Variants in CCDC144A observed in about 807,000 individuals in gnomAD.
CCDC144A encodes the protein coiled-coil domain containing 144A, also known as coiled-coil domain-containing protein 144A.
In CCDC144A, 41 loss-of-function variants were observed where a neutral mutation model predicts 143.8. The ratio of observed to expected loss-of-function variants is 0.29; its 90% CI spans 0.22 to 0.37. CCDC144A has a LOEUF of 0.37. Ranked by LOEUF, CCDC144A falls within the 10% of genes least tolerant of loss-of-function variation. The pLI is 1.00. For synonymous variants in CCDC144A, 242 were observed against 517.9 expected (o/e 0.47, Z 7.23); for missense variants, 637 against 1,488.8 (o/e 0.43, Z 9.41).
At chr17:16,682,882 T>TG in the CCDC144A span, among the ~76,000 whole-genome samples, 1 of 127,034 alleles carries the variant, frequency 7.9e-6, no homozygotes. Flanking sequence ...CTGGATTCTC[T>TG]GTTTTTTTTT....
chr17:16,675,096 C>T, the CCDC144A span, among the ~76,000 whole-genome samples: 1 of 151,512 alleles, frequency 6.6e-6, no homozygotes, highest in African/African-American at 2.4e-5. Flanking sequence ...TGATGAAACG[C>T]CATCTCTGCT....
Position 16,709,021 on chromosome 17 carries a change from G to A in CCDC144A, c.964G>A (p.Asp322Asn), listed in dbSNP as rs1912223277. 6.2e-7 allele frequency: 1 copy of A among 1,611,504 alleles called. No homozygotes were observed. The highest frequency in any genetic ancestry group is 1.1e-5 in the South Asian group (1 of 90,956). ...PACPEEEPLL[D>N]NSTRGTDVKD... Reference sequence around the variant, plus strand: ...TTGTCCTGAGGAAGAGCCACTACTTGATAACTCTACAAGAGGAACAGATGT... The same window carrying A: ...TTGTCCTGAGGAAGAGCCACTACTTAATAACTCTACAAGAGGAACAGATGT... Residue 322 changes from aspartate to asparagine, a missense_variant, in exon 5 of 17, where the codon GAT becomes AAT. Transcript: ENST00000399273.
chr17:16,751,769 TC>T (rs1914804365), intron 12 of CCDC144A, among the ~76,000 whole-genome samples: 1 of 152,190 alleles, frequency 6.6e-6, no homozygotes. Flanking sequence ...GGGGGGAGGA[TC>T]CCCGGGCAGG....
intron 12 of CCDC144A, among the ~76,000 whole-genome samples, chr17:16,741,515 C>T (rs1006918052): frequency 3.9e-5 from 6 of 152,238 alleles, no homozygotes; most frequent in Non-Finnish European, 8.8e-5. Context: ...TTGGAAGCCA[C>T]ATGGTTATCA....
At chr17:16,729,991 T>TATATATATATATATATATATAC (rs1491438660) in intron 9 of CCDC144A, among the ~76,000 whole-genome samples, 10 of 114,878 alleles carry the variant, frequency 8.7e-5, no homozygotes, top group East Asian at 2.4e-4. Context: ...TATATATATA[T>TATATATATATATATATATATAC]ACACACATAC....
chr17:16,721,977 C>T (rs1913117558), intron 8 of CCDC144A, among the ~76,000 whole-genome samples: 1 of 152,154 alleles, frequency 6.6e-6, no homozygotes, highest in African/African-American at 2.4e-5. Flanking sequence ...CAGTGCAATG[C>T]TGACTAAAAT....
chr17:16,694,889 T>A (rs919163909), intron 2 of CCDC144A, among the ~76,000 whole-genome samples: 36 of 152,262 alleles, frequency 2.4e-4, no homozygotes, highest in African/African-American at 8.7e-4. Context: ...GCCAAAAGAT[T>A]ATCACAATAA....
upstream of CCDC144A, among the ~76,000 whole-genome samples, chr17:16,688,888 T>C: frequency 6.6e-6 from 1 of 152,212 alleles, no homozygotes; most frequent in Non-Finnish European, 1.5e-5. Flanking sequence ...TCCCTAATTT[T>C]AGTTGGTCAG....
At chr17:16,677,975 G>T in the CCDC144A span, among the ~76,000 whole-genome samples, 1 of 151,892 alleles carries the variant, frequency 6.6e-6, no homozygotes, top group African/African-American at 2.4e-5. Context: ...GGGATGATTG[G>T]TTTGGTTTCA....
At chr17:16,772,343 T>C (rs1915854273) in intron 16 of CCDC144A, among the ~76,000 whole-genome samples, 1 of 152,154 alleles carries the variant, frequency 6.6e-6, no homozygotes, top group Admixed American at 6.5e-5. Context: ...TTCTCAGGGT[T>C]ATGGTAGTGA....
intron 2 of CCDC144A, among the ~76,000 whole-genome samples, chr17:16,699,842 G>A (rs1010265800): frequency 6.6e-6 from 1 of 151,810 alleles, no homozygotes; most frequent in African/African-American, 2.4e-5. Flanking sequence ...ATTACTTTCT[G>A]ACATCAGTTT....
At chr17:16,760,504 A>G (rs1915311498) in intron 12 of CCDC144A, among the ~76,000 whole-genome samples, 1 of 134,348 alleles carries the variant, frequency 7.4e-6, no homozygotes, top group Non-Finnish European at 1.5e-5. Context: ...GGTATGGATC[A>G]TGCCACTGAA....
intron 12 of CCDC144A, among the ~76,000 whole-genome samples, chr17:16,744,896 A>G (rs528259261): frequency 6.6e-6 from 1 of 152,306 alleles, no homozygotes; most frequent in Non-Finnish European, 1.5e-5. Context: ...AAACTCAAAA[A>G]CAGGCTGTGT....
At chr17:16,746,143 T>C in intron 12 of CCDC144A, 1 of 1,572,368 alleles carries the variant, frequency 6.4e-7, no homozygotes, top group Non-Finnish European at 8.7e-7. Context: ...CCACCTCCAG[T>C]ATCAATCTCC....
intron 12 of CCDC144A, chr17:16,746,882 T>A: frequency 1.5e-6 from 1 of 668,596 alleles, no homozygotes; most frequent in Non-Finnish European, 2.6e-6. Context: ...CTCTCCCTTC[T>A]CTCCCTCCCC....
At chr17:16,771,815 TTAAAA>T (rs1243816293) in intron 15 of CCDC144A, among the ~76,000 whole-genome samples, 157 bp from the exon 16 acceptor site, 3 of 152,270 alleles carry the variant, frequency 2.0e-5, no homozygotes, top group African/African-American at 7.2e-5. Flanking sequence ...TTATCTAAAC[TTAAAA>T]TAGGTAGGAA....
chr17:16,775,204 T>G lies in CCDC144A; in HGVS notation c.*1571T>G, dbSNP rs1194597781. On this transcript the variant is annotated 3_prime_UTR_variant, in exon 17 of 17. Transcript: ENST00000399273. Reference sequence around the variant, plus strand: ...GCGTGTATCTTTATACTAGAATTAGTTATATTCCTTTGGGTATATACCAAG... The same window carrying G: ...GCGTGTATCTTTATACTAGAATTAGGTATATTCCTTTGGGTATATACCAAG... The G allele has an allele frequency of 6.6e-6, 1 of 152,280 alleles. No individual in the cohort carries two copies. The highest frequency in any genetic ancestry group is 1.5e-5 in the Non-Finnish European group (1 of 68,068). 9.4% of individuals were successfully genotyped at this position (152,280 alleles called of 1,614,324 possible).
chr17:16,688,481 T>C (rs553793399), upstream of CCDC144A, among the ~76,000 whole-genome samples: 364 of 132,952 alleles, frequency 2.7e-3, no homozygotes, highest in African/African-American at 0.01. Flanking sequence ...TTTTTCTTTT[T>C]CTGTTTTTTT....
the CCDC144A span, chr17:16,684,215 A>T: frequency 3.2e-6 from 3 of 928,696 alleles, no homozygotes; most frequent in Middle Eastern, 6.4e-4. Context: ...GACCCAGGGG[A>T]TGGACATTCA....
Sources: allele counts gnomAD v4.1 joint callset (sites outside exome capture counted in the v4.1 genomes callset), GRCh38; gene constraint gnomAD v4.1.1; transcripts MANE v1.5; gene names NCBI Gene and HGNC (gene_info 2026-07-23, HGNC 2026-07-21).